PJA2: variants seen among roughly 807,000 people sequenced by gnomAD.
PJA2 encodes E3 ubiquitin-protein ligase Praja-2.
A neutral mutation model predicts 69.3 loss-of-function variants in PJA2; 25 were observed. That is an observed-to-expected ratio of 0.36 (90% CI 0.26 to 0.50). The LOEUF (loss-of-function observed/expected upper bound fraction) is 0.50. Among genes scored for constraint, PJA2 ranks in the 20% least tolerant of loss-of-function variants. The pLI, the probability that PJA2 is intolerant of heterozygous loss-of-function variation, is 0.96. For synonymous variants in PJA2, 308 were observed against 277.8 expected (o/e 1.11, Z -1.08); for missense variants, 809 against 830.2 (o/e 0.97, Z 0.31).
chr5:109,393,697 T>C (rs1747334116), intron 1 of PJA2, among the ~76,000 whole-genome samples: 1 of 151,270 alleles, frequency 6.6e-6, no homozygotes, highest in Non-Finnish European at 1.5e-5. Context: ...TTCCAAACTG[T>C]AAACAACCCA....
At chr5:109,402,105 A>G (rs1747566938) in intron 1 of PJA2, among the ~76,000 whole-genome samples, 1 of 152,192 alleles carries the variant, frequency 6.6e-6, no homozygotes, top group East Asian at 1.9e-4. Context: ...TTTTTAAAAG[A>G]GAGGAAAAGT....
chr5:109,367,141 A>AT (rs1561351846), intron 5 of PJA2, among the ~76,000 whole-genome samples: 20 of 144,486 alleles, frequency 1.4e-4, no homozygotes, highest in Non-Finnish European at 2.3e-4. Context: ...CTCAAAAAAA[A>AT]AAATATATAT....
intron 8 of PJA2, 39 bp downstream of exon 8, chr5:109,344,666 A>T (rs368330634): frequency 2.3e-5 from 31 of 1,320,924 alleles, no homozygotes; most frequent in African/African-American, 2.3e-4. Flanking sequence ...TTAAATGTAC[A>T]ATGTGTTCTT....
At chr5:109,342,442 G>A (rs867032443) in intron 9 of PJA2, among the ~76,000 whole-genome samples, 17 of 84,412 alleles carry the variant, frequency 2.0e-4, no homozygotes, top group African/African-American at 6.4e-4. Flanking sequence ...TCGGCCCCCC[G>A]CCCGGCCAGC....
intron 1 of PJA2, among the ~76,000 whole-genome samples, chr5:109,396,637 G>T (rs1582628118): frequency 6.6e-6 from 1 of 150,964 alleles, no homozygotes; most frequent in Non-Finnish European, 1.5e-5. Flanking sequence ...ATGTTGGTCA[G>T]GCTAGTCTTG....
intron 2 of PJA2, among the ~76,000 whole-genome samples, chr5:109,383,174 G>T (rs946103988): frequency 6.6e-6 from 1 of 152,160 alleles, no homozygotes; most frequent in African/African-American, 2.4e-5. Flanking sequence ...CTCCGAAGTG[G>T]AAAGCATAAA....
In PJA2 at chr5:109,353,734, A is replaced by AGATATCTAGATTAGATATCTAT. The variant is rs948148720; in HGVS notation, c.1764+2159_1764+2180dup. Among the ~76,000 whole-genome samples the AGATATCTAGATTAGATATCTAT allele has an allele frequency of 4.1e-5, 4 of 97,066 alleles. No homozygotes were observed. In the South Asian group the frequency reaches 1.0e-3, roughly 24 times the overall value. 63.7% of individuals were successfully genotyped at this position (97,066 alleles called of 152,430 possible). A position where few individuals can be genotyped will look rare whatever the true frequency, so the allele number is the denominator to read the frequency against. ...ATCTATATATTAGATACCTATATCTAGATATCTAGATTAGATATCTATGAT... is the reference window on the plus strand; with the variant it reads ...ATCTATATATTAGATACCTATATCTAGATATCTAGATTAGATATCTATGATATCTAGATTAGATATCTATGAT... On this transcript the variant is annotated intron_variant, in intron 7 of 9. Coordinates refer to ENST00000361189, the MANE Select transcript of PJA2 (RefSeq NM_014819.5).
chr5:109,384,645 T>C (rs1747119702), intron 1 of PJA2, among the ~76,000 whole-genome samples: 2 of 152,178 alleles, frequency 1.3e-5, no homozygotes, highest in Admixed American at 1.3e-4. Context: ...TTAACATACG[T>C]AAGAGTACAA....
At chr5:109,377,015 T>C (rs576097454) in intron 4 of PJA2, among the ~76,000 whole-genome samples, 93 of 152,238 alleles carry the variant, frequency 6.1e-4, no homozygotes, top group Non-Finnish European at 1.1e-3. Flanking sequence ...TAAAACACTG[T>C]GGGCTTGAAC....
chr5:109,351,691 A>G (rs1409917887), intron 7 of PJA2, among the ~76,000 whole-genome samples: 4 of 152,094 alleles, frequency 2.6e-5, no homozygotes, highest in African/African-American at 9.7e-5. Context: ...ACAAATACAT[A>G]CTGCCAGTAT....
intron 6 of PJA2, among the ~76,000 whole-genome samples, chr5:109,358,880 T>C (rs139188249): frequency 6.6e-6 from 1 of 152,288 alleles, no homozygotes; most frequent in East Asian, 1.9e-4. Context: ...TAATAGATGC[T>C]AAAACTAGTG....
intron 9 of PJA2, among the ~76,000 whole-genome samples, chr5:109,341,596 A>G (rs1474217323): frequency 5.0e-5 from 4 of 79,302 alleles, no homozygotes; most frequent in Non-Finnish European, 7.2e-5. Context: ...TCCGGGAGGG[A>G]GGTGGGGGGG....
intron 1 of PJA2, among the ~76,000 whole-genome samples, chr5:109,385,605 G>A (rs1196048810): frequency 6.6e-6 from 1 of 152,152 alleles, no homozygotes; most frequent in East Asian, 1.9e-4. Flanking sequence ...ATTATGAGCT[G>A]TTAGTATAAT....
chr5:109,372,923 A>AAAAAAAAAAAAAAAAAAAAAAAAAAAG (rs1272538036), intron 4 of PJA2, among the ~76,000 whole-genome samples: 1 of 136,780 alleles, frequency 7.3e-6, no homozygotes, highest in African/African-American at 2.8e-5. Context: ...AAAAAAAAAA[A>AAAAAAAAAAAAAAAAAAAAAAAAAAAG]AAAGAAAGAA....
intron 6 of PJA2, among the ~76,000 whole-genome samples, chr5:109,360,385 T>C (rs1762487073): frequency 6.6e-6 from 1 of 152,194 alleles, no homozygotes. Context: ...ACAAACTTGA[T>C]AGAGGACTTT....
intron 6 of PJA2, 112 bp downstream of exon 6, chr5:109,362,728 T>C: frequency 8.9e-7 from 1 of 1,118,348 alleles, no homozygotes. Flanking sequence ...AGAGGAGGAC[T>C]AACAGATGGG....
chr5:109,371,518 C>T (rs1051825913), intron 4 of PJA2, among the ~76,000 whole-genome samples: 2 of 152,088 alleles, frequency 1.3e-5, no homozygotes, highest in African/African-American at 2.4e-5. Flanking sequence ...CCTTTTTCTC[C>T]GTTTCTCCTA....
At chr5:109,344,643 A>G in intron 8 of PJA2, 62 bp downstream of exon 8, 1 of 1,090,808 alleles carries the variant, frequency 9.2e-7, no homozygotes, top group East Asian at 2.4e-5. Context: ...ATCTAGGTAT[A>G]TTGATAATAT....
intron 1 of PJA2, among the ~76,000 whole-genome samples, chr5:109,398,689 A>C (rs1483511811): frequency 2.0e-5 from 3 of 151,664 alleles, no homozygotes; most frequent in African/African-American, 4.9e-5. Flanking sequence ...TGACGAGTTA[A>C]TGGGTGCAGC....
Sources: gnomAD v4.1 joint callset for allele counts (sites outside exome capture counted in the v4.1 genomes callset) on GRCh38, gnomAD v4.1.1 for gene constraint, MANE v1.5 for transcripts, NCBI Gene and HGNC (gene_info 2026-07-23, HGNC 2026-07-21) for gene names.